Variants in ZWILCH observed in about 807,000 individuals in gnomAD.
ZWILCH encodes the protein zwilch kinetochore protein, also known as protein zwilch homolog.
In ZWILCH, 74 loss-of-function variants were observed where a neutral mutation model predicts 79.9. The observed-to-expected ratio is 0.93, with a 90% CI of 0.77 to 1.12. ZWILCH has a LOEUF of 1.12. Ranked by LOEUF, ZWILCH falls within the 50% of genes most tolerant of loss-of-function variation. The pLI is 0.00. For synonymous variants in ZWILCH, 241 were observed against 228.2 expected (o/e 1.06, Z -0.51); for missense variants, 694 against 687.5 (o/e 1.01, Z -0.11).
chr15:66,516,628 C>T (rs535138700), intron 4 of ZWILCH, among the ~76,000 whole-genome samples: 2 of 152,108 alleles, frequency 1.3e-5, no homozygotes, highest in East Asian at 1.9e-4. Context: ...GCCTCAGCCT[C>T]CCGAGTAGCT....
chr15:66,517,451 T>G (rs1442173913), intron 4 of ZWILCH, among the ~76,000 whole-genome samples: 5 of 137,436 alleles, frequency 3.6e-5, no homozygotes, highest in South Asian at 2.3e-4. Context: ...TATATATATA[T>G]ATATAGTAAT....
In ZWILCH at chr15:66,515,535, A is replaced by G; in HGVS notation, c.211A>G (p.Lys71Glu). The G allele has an allele frequency of 6.2e-7, 1 of 1,601,350 alleles. No individual in the cohort carries two copies. Among genetic ancestry groups the G allele is most frequent in the Non-Finnish European group, 8.5e-7 (1 of 1,173,082 alleles). ...AAGAACATTTTTAAAGCCTTTAGAA[A>G]AGGAAGAAACAAGTCATATTGAAGA... ...VFIVEKVPLE[K>E]EETSHIEELQ... is the part of the protein sequence containing the mutation. The change falls in exon 4 of 19, where the codon AAG becomes GAG. Residue 71 changes from lysine (K) to glutamate (E), a missense_variant. Coordinates refer to ENST00000307897, the MANE Select transcript of ZWILCH (RefSeq NM_017975.5).
intron 2 of ZWILCH, among the ~76,000 whole-genome samples, chr15:66,509,693 G>C (rs1893959198): frequency 6.7e-6 from 1 of 149,342 alleles, no homozygotes; most frequent in Non-Finnish European, 1.5e-5. Context: ...TACTTGGGGA[G>C]ATAAAACCTA....
chr15:66,509,385 G>A (rs897137031), intron 2 of ZWILCH, among the ~76,000 whole-genome samples: 2 of 152,044 alleles, frequency 1.3e-5, no homozygotes, highest in Non-Finnish European at 2.9e-5. Flanking sequence ...TTTTGTCTCT[G>A]TAGTTTTACC....
intron 13 of ZWILCH, 81 bp downstream of exon 13, chr15:66,532,484 G>A (rs1444014543): frequency 3.8e-6 from 5 of 1,312,726 alleles, no homozygotes; most frequent in Non-Finnish European, 5.2e-6. Flanking sequence ...TTCTGTTTCT[G>A]CTTGTCCCTC....
intron 10 of ZWILCH, 121 bp from the exon 11 acceptor site, chr15:66,528,731 A>AT: frequency 1.4e-6 from 1 of 711,040 alleles, no homozygotes; most frequent in Non-Finnish European, 2.3e-6. Flanking sequence ...GTTGTAGAAA[A>AT]TTCGTTCATA....
chr15:66,529,921 A>G (rs1056200019), intron 12 of ZWILCH, among the ~76,000 whole-genome samples: 4 of 152,220 alleles, frequency 2.6e-5, no homozygotes, highest in Non-Finnish European at 5.9e-5. Flanking sequence ...TGAGAATGCA[A>G]GTTGAGATAT....
chr15:66,525,116 T>G (rs1894626290), intron 8 of ZWILCH, among the ~76,000 whole-genome samples: 1 of 152,202 alleles, frequency 6.6e-6, no homozygotes, highest in African/African-American at 2.4e-5. Context: ...AACCCCCCAT[T>G]TCTGTCTGTG....
chr15:66,534,828 T>C (rs1364367456), intron 14 of ZWILCH, among the ~76,000 whole-genome samples: 1 of 152,182 alleles, frequency 6.6e-6, no homozygotes, highest in Non-Finnish European at 1.5e-5. Context: ...ATAAACACTG[T>C]ATACTTAGGC....
At position 66,519,061 on chromosome 15, in the gene ZWILCH, A is replaced by G. The variant is rs758560847; in HGVS notation, c.503A>G (p.Tyr168Cys). 38 of 1,614,058 alleles carry G rather than the reference A, an allele frequency of 2.4e-5. No homozygotes were observed. Among genetic ancestry groups the G allele is most frequent in the Non-Finnish European group, 3.2e-5 (38 of 1,180,026 alleles). The change falls in exon 5 of 19, where the codon TAT becomes TGT. Residue 168 changes from tyrosine to cysteine, a missense_variant. By Grantham distance (194) the Tyr-to-Cys change is radical (BLOSUM62 -2). Coordinates refer to ENST00000307897, the MANE Select transcript of ZWILCH (RefSeq NM_017975.5). Reference sequence around the variant, plus strand: ...AACAGCATTACAGGAATTGTCTTATATGTGGTCAGTTGTAAAGGTGAGTGC... The same window carrying G: ...AACAGCATTACAGGAATTGTCTTATGTGTGGTCAGTTGTAAAGGTGAGTGC... ...TNNSITGIVL[Y>C]VVSCKADKNY...
intron 4 of ZWILCH, among the ~76,000 whole-genome samples, chr15:66,516,666 C>T (rs895656489): frequency 2.6e-5 from 4 of 152,034 alleles, no homozygotes; most frequent in South Asian, 2.1e-4. Context: ...CCACCATGTC[C>T]GGCTAACTTT....
At chr15:66,542,579 C>T (rs777851486) in intron 17 of ZWILCH, among the ~76,000 whole-genome samples, 5 of 151,832 alleles carry the variant, frequency 3.3e-5, no homozygotes, top group African/African-American at 9.7e-5. Context: ...AGCAAGATTT[C>T]GTCTCAAAAA....
chr15:66,530,746 A>G (rs919787196), intron 12 of ZWILCH, among the ~76,000 whole-genome samples: 1 of 152,230 alleles, frequency 6.6e-6, no homozygotes, highest in African/African-American at 2.4e-5. Context: ...AGTTAAAAAG[A>G]TTTTTAATAG....
In ZWILCH at chr15:66,527,387, T is replaced by A. The variant is rs1377208383; in HGVS notation, c.913+4T>A. On this transcript the variant is annotated splice_donor_region_variant and intron_variant, in intron 9 of 18. Coordinates refer to ENST00000307897, the MANE Select transcript of ZWILCH (RefSeq NM_017975.5). The stretch of plus-strand genomic sequence containing the variant: ...CTTGTTCAGGAATTTCTGAATGGTG[T>A]ATTACTTGTTTTATTAATTGAGAAT... The A allele has an allele frequency of 6.2e-7, 1 of 1,609,542 alleles. No individual in the cohort carries two copies.
chr15:66,520,823 C>G (rs1394908513), intron 6 of ZWILCH, among the ~76,000 whole-genome samples, 163 bp downstream of exon 6: 1 of 152,068 alleles, frequency 6.6e-6, no homozygotes, highest in Admixed American at 6.6e-5. Context: ...AATTAAAATG[C>G]CTTCATGCCT....
At chr15:66,516,423 T>A (rs1421804112) in intron 4 of ZWILCH, among the ~76,000 whole-genome samples, 1 of 152,236 alleles carries the variant, frequency 6.6e-6, no homozygotes, top group Non-Finnish European at 1.5e-5. Flanking sequence ...AACAGAATGG[T>A]ATGAGAATGA....
chr15:66,527,693 C>G (rs546413290), intron 9 of ZWILCH, among the ~76,000 whole-genome samples, 164 bp from the exon 10 acceptor site: 1 of 152,314 alleles, frequency 6.6e-6, no homozygotes. Flanking sequence ...CTCACACCCC[C>G]ACCTGATGGA....
At chr15:66,538,236 C>G (rs1252451428) in intron 16 of ZWILCH, among the ~76,000 whole-genome samples, 1 of 152,212 alleles carries the variant, frequency 6.6e-6, no homozygotes, top group African/African-American at 2.4e-5. Context: ...TAGCCAAACT[C>G]TCATCACTCC....
chr15:66,525,756 C>CTTTTTTTTTTT (rs66835007), intron 8 of ZWILCH, among the ~76,000 whole-genome samples: 1 of 93,480 alleles, frequency 1.1e-5, no homozygotes, highest in Non-Finnish European at 2.0e-5. Context: ...TCACATTTTT[C>CTTTTTTTTTTT]TTTTTTTTTT....
Sources: allele counts gnomAD v4.1 joint callset (sites outside exome capture counted in the v4.1 genomes callset), GRCh38; gene constraint gnomAD v4.1.1; transcripts MANE v1.5; gene names NCBI Gene and HGNC (gene_info 2026-07-23, HGNC 2026-07-21).